The following DNER variants were observed in gnomAD, a reference collection of about 807,000 sequenced individuals.
DNER encodes delta/notch like EGF repeat containing.
DNER carries 33 observed loss-of-function variants against 78.2 expected under a neutral mutation model. The ratio of observed to expected loss-of-function variants is 0.42; its 90% confidence interval spans 0.32 to 0.56. The LOEUF (loss-of-function observed/expected upper bound fraction) is 0.56, where lower values mean the gene tolerates loss of function less well. Among genes scored for constraint, DNER ranks in the 20% least tolerant of loss-of-function variants. DNER has a pLI of 0.11. For missense variants in DNER, 918 were observed against 975.3 expected (o/e 0.94, Z 0.78); for synonymous variants, 417 against 384.8 (o/e 1.08, Z -0.98).
At chr2:229,396,248 A>G (rs1484501237) in intron 10 of DNER, among the ~76,000 whole-genome samples, 1 of 152,206 alleles carries the variant, frequency 6.6e-6, no homozygotes, top group Non-Finnish European at 1.5e-5. Context: ...TAAGTGCTTC[A>G]GACAAATATT....
At chr2:229,382,758 T>C (rs1045897646) in intron 11 of DNER, among the ~76,000 whole-genome samples, 4 of 152,012 alleles carry the variant, frequency 2.6e-5, no homozygotes, top group Non-Finnish European at 5.9e-5. Context: ...CCAAAAAATA[T>C]GGGACTATGT....
chr2:229,397,055 C>T (rs1693161981), intron 10 of DNER, among the ~76,000 whole-genome samples: 1 of 152,024 alleles, frequency 6.6e-6, no homozygotes, highest in Admixed American at 6.6e-5. Flanking sequence ...TTTGCTAAAA[C>T]CTAGTAATAA....
At position 229,591,538 on chromosome 2, in the gene DNER, C is replaced by G; in HGVS notation, c.585+42G>C. On this transcript the variant is annotated intron_variant, in intron 2 of 12. Transcript: ENST00000341772. This position sits in a 1 kb window ranked among gnomAD's most constrained non-coding sequence, Gnocchi z 4.6. ...AACCGCTGGAGTCACTTTAAGATTT[C>G]TGGTTTCTAATGTAAAAATGCACAT... 6.4e-7 allele frequency: 1 copy of G among 1,561,912 alleles called. No homozygotes were observed. Among genetic ancestry groups the G allele is most frequent in the Middle Eastern group, 1.7e-4 (1 of 5,820 alleles).
chr2:229,387,511 GAAAGAAAGAAAGAAAGAAAGAAAGAA>G (rs1692904796), intron 11 of DNER, among the ~76,000 whole-genome samples: 1 of 39,868 alleles, frequency 2.5e-5, no homozygotes, highest in African/African-American at 9.5e-5. Flanking sequence ...AAGAAAGAGA[GAAAGAAAGAAAGAAAGAAAGAAAGAA>G]AGAAAGAAAG....
chr2:229,693,915 T>C (rs1028603186), intron 1 of DNER, among the ~76,000 whole-genome samples: 13 of 152,262 alleles, frequency 8.5e-5, no homozygotes, highest in African/African-American at 2.9e-4. Context: ...ATGGGAAAAA[T>C]GTCTCCAGGG....
At chr2:229,400,627 A>G (rs576471115) in intron 10 of DNER, among the ~76,000 whole-genome samples, 1 of 152,240 alleles carries the variant, frequency 6.6e-6, no homozygotes, top group East Asian at 1.9e-4. Context: ...AGAACTCCCA[A>G]TGGCCAAAGT....
At chr2:229,564,373 A>G (rs1467663426) in intron 4 of DNER, among the ~76,000 whole-genome samples, 1 of 149,176 alleles carries the variant, frequency 6.7e-6, no homozygotes, top group Non-Finnish European at 1.5e-5. Context: ...CATCACCATC[A>G]TCATCATCAT....
chr2:229,623,455 T>C (rs1170972002), intron 1 of DNER, among the ~76,000 whole-genome samples: 1 of 152,124 alleles, frequency 6.6e-6, no homozygotes, highest in Non-Finnish European at 1.5e-5. Context: ...ATAGTGTGTG[T>C]TCCCCACCCC....
chr2:229,666,728 A>G (rs1201176245), intron 1 of DNER, among the ~76,000 whole-genome samples: 3 of 152,230 alleles, frequency 2.0e-5, no homozygotes, highest in African/African-American at 4.8e-5. Context: ...ATGACCCTCA[A>G]TAAAAACTGA....
At chr2:229,520,781 G>C (rs576311965) in intron 5 of DNER, among the ~76,000 whole-genome samples, 1 of 152,296 alleles carries the variant, frequency 6.6e-6, no homozygotes, top group South Asian at 2.1e-4. Context: ...GCATGTGACT[G>C]AGTCCCCACA....
chr2:229,550,050 C>T (rs755834543), intron 4 of DNER, among the ~76,000 whole-genome samples: 37 of 151,684 alleles, frequency 2.4e-4, no homozygotes, highest in South Asian at 4.2e-4. Context: ...TGGACTGCAG[C>T]GGCATAATCT....
Position 229,700,071 on chromosome 2 carries a change from TA to T in DNER, c.276+14076del, listed in dbSNP as rs939458433. On this transcript the variant is annotated intron_variant, in intron 1 of 12. Transcript: ENST00000341772. ...CAAAAATAGGAACAGGCAATTTCAT[TA>T]AAAAAAAAAAATCTTCCCTCATTCA... Among the ~76,000 whole-genome samples, 722 of 144,468 alleles carry T rather than the reference TA, an allele frequency of 5.0e-3. 8 individuals are homozygous for T. The highest frequency in any genetic ancestry group is 0.015 in the African/African-American group (581 of 39,642). 94.8% of individuals were successfully genotyped at this position (144,468 alleles called of 152,430 possible).
intron 5 of DNER, among the ~76,000 whole-genome samples, chr2:229,540,028 T>G (rs1415833338): frequency 6.6e-6 from 1 of 151,834 alleles, no homozygotes; most frequent in African/African-American, 2.4e-5. Context: ...ATGAAGGGAA[T>G]GCAAAAAATA....
intron 6 of DNER, among the ~76,000 whole-genome samples, chr2:229,501,597 T>C (rs1695625709): frequency 6.6e-6 from 1 of 152,210 alleles, no homozygotes. Context: ...ACAATCCTTC[T>C]GTGAAGAGAC....
chr2:229,458,190 T>G (rs1269906365), intron 7 of DNER, among the ~76,000 whole-genome samples: 1 of 108,206 alleles, frequency 9.2e-6, no homozygotes, highest in Non-Finnish European at 2.0e-5. Context: ...GAAAGATACA[T>G]TGTGAAAAAG....
rs185926480 is a variant in DNER at position 229,440,318 on chromosome 2, G to A, written c.1486+6998C>T. On this transcript the variant is annotated intron_variant, in intron 8 of 12. Transcript: ENST00000341772. ...CAGTTTGGAAGCATGCTTAGGAAAG[G>A]TACCTTAGCGTCTGGACGTCTAGTG... Among the ~76,000 whole-genome samples the A allele has an allele frequency of 3.1e-3, 473 of 152,250 alleles. 2 individuals are homozygous for A. The highest frequency in any genetic ancestry group is 0.011 in the African/African-American group (449 of 41,540).
chr2:229,510,525 T>G (rs999488747), intron 6 of DNER, among the ~76,000 whole-genome samples: 1 of 152,106 alleles, frequency 6.6e-6, no homozygotes, highest in African/African-American at 2.4e-5. Context: ...GTGGAGGATT[T>G]GAGAATTCTC....
chr2:229,510,926 CTT>C (rs1299180094), intron 6 of DNER, among the ~76,000 whole-genome samples: 2 of 152,184 alleles, frequency 1.3e-5, no homozygotes, highest in African/African-American at 4.8e-5. Flanking sequence ...TATCATATCA[CTT>C]TTTAAAAACA....
intron 1 of DNER, among the ~76,000 whole-genome samples, chr2:229,684,130 GTGTGTCTGTGTA>G (rs1361754744): frequency 8.2e-6 from 1 of 122,246 alleles, no homozygotes; most frequent in Admixed American, 8.4e-5. Context: ...GTGTTTGTGT[GTGTGTCTGTGTA>G]TGTGAGAGAG....
Sources: gnomAD v4.1 joint callset for allele counts (sites outside exome capture counted in the v4.1 genomes callset) on GRCh38, gnomAD v4.1.1 for gene constraint, Gnocchi (gnomAD v3.1) non-coding constraint, MANE v1.5 for transcripts, NCBI Gene and HGNC (gene_info 2026-07-23, HGNC 2026-07-21) for gene names.